PPARGC1A: variants seen among roughly 807,000 people sequenced by gnomAD.
The protein encoded by PPARGC1A is PPARG coactivator 1 alpha.
In PPARGC1A, 25 loss-of-function variants were observed where a neutral mutation model predicts 88.7. The ratio of observed to expected loss-of-function variants is 0.28; its 90% confidence interval spans 0.21 to 0.39. The LOEUF (loss-of-function observed/expected upper bound fraction) is 0.39, where lower values mean the gene tolerates loss of function less well. PPARGC1A is among the 10% of genes least tolerant of loss of function. The pLI, the probability that PPARGC1A is intolerant of heterozygous loss-of-function variation, is 1.00. For missense variants in PPARGC1A, 880 were observed against 968.7 expected (o/e 0.91, Z 1.22); for synonymous variants, 363 against 355.6 (o/e 1.02, Z -0.24).
the PPARGC1A span, among the ~76,000 whole-genome samples, chr4:23,930,782 GCACT>G: frequency 6.6e-6 from 1 of 152,182 alleles, no homozygotes; most frequent in Admixed American, 6.5e-5. Context: ...GCTGCACAGT[GCACT>G]CAGTGATGCC....
At chr4:24,176,893 T>G in the PPARGC1A span, among the ~76,000 whole-genome samples, 5 of 152,206 alleles carry the variant, frequency 3.3e-5, no homozygotes, top group African/African-American at 1.2e-4. Context: ...GGTTCTCATC[T>G]TTTTTGAAAC....
At chr4:24,313,547 A>G in the PPARGC1A span, among the ~76,000 whole-genome samples, 2 of 152,212 alleles carry the variant, frequency 1.3e-5, no homozygotes, top group African/African-American at 4.8e-5. Flanking sequence ...TTCAGTTTCT[A>G]TGGTAGACTG....
the PPARGC1A span, among the ~76,000 whole-genome samples, chr4:24,161,071 G>A: frequency 0.017 from 2,595 of 152,310 alleles, 78 homozygotes; most frequent in African/African-American, 0.059. Flanking sequence ...AAAGGCCAGA[G>A]CTACCCTCAA....
chr4:24,237,242 AT>A, the PPARGC1A span, among the ~76,000 whole-genome samples: 545 of 148,042 alleles, frequency 3.7e-3, 2 homozygotes, highest in African/African-American at 0.01. Context: ...CCGAGATTGG[AT>A]TTTTTTTTTT....
chr4:24,236,471 T>C, the PPARGC1A span, among the ~76,000 whole-genome samples: 1 of 152,206 alleles, frequency 6.6e-6, no homozygotes, highest in Non-Finnish European at 1.5e-5. Context: ...GTGAGGCATC[T>C]GCTTTTAGTC....
At chr4:24,171,502 C>T in the PPARGC1A span, among the ~76,000 whole-genome samples, 1 of 152,058 alleles carries the variant, frequency 6.6e-6, no homozygotes, top group Non-Finnish European at 1.5e-5. Context: ...ACCAAACGTA[C>T]TATATATGGT....
At chr4:23,952,876 T>C in the PPARGC1A span, among the ~76,000 whole-genome samples, 3 of 152,108 alleles carry the variant, frequency 2.0e-5, no homozygotes, top group African/African-American at 7.2e-5. Context: ...AGTTCTTTCA[T>C]TAAAGTCTAC....
At chr4:24,314,291 TCA>T in the PPARGC1A span, among the ~76,000 whole-genome samples, 1 of 152,158 alleles carries the variant, frequency 6.6e-6, no homozygotes, top group Non-Finnish European at 1.5e-5. Context: ...GTAACCCCCA[TCA>T]CAGTGGTATT....
chr4:24,182,741 A>G, the PPARGC1A span, among the ~76,000 whole-genome samples: 4 of 152,188 alleles, frequency 2.6e-5, no homozygotes, highest in Admixed American at 1.3e-4. Context: ...CATTTCTCTA[A>G]TGCTTGGTAC....
At chr4:23,844,377 TATA>T (rs1285711626) in intron 2 of PPARGC1A, among the ~76,000 whole-genome samples, 1 of 135,368 alleles carries the variant, frequency 7.4e-6, no homozygotes, top group Non-Finnish European at 1.5e-5. Context: ...TATTATAGAT[TATA>T]ATATGACAAT....
chr4:23,921,751 G>A, the PPARGC1A span, among the ~76,000 whole-genome samples: 32 of 152,082 alleles, frequency 2.1e-4, no homozygotes, highest in Admixed American at 3.9e-4. Context: ...GTTGGGAGTT[G>A]GAAATTATTT....
the PPARGC1A span, among the ~76,000 whole-genome samples, chr4:23,931,688 A>G: frequency 6.6e-6 from 1 of 152,170 alleles, no homozygotes; most frequent in African/African-American, 2.4e-5. Context: ...AAGCTTTATT[A>G]TCCTCGGCAG....
chr4:23,868,109 T>C (rs995054472), intron 2 of PPARGC1A, among the ~76,000 whole-genome samples: 4 of 152,058 alleles, frequency 2.6e-5, no homozygotes, highest in Admixed American at 6.5e-5. Flanking sequence ...GAGCTCTTCA[T>C]TGAGTGGCAG....
the PPARGC1A span, among the ~76,000 whole-genome samples, chr4:24,324,045 C>T: frequency 4.6e-5 from 7 of 152,224 alleles, no homozygotes; most frequent in South Asian, 6.2e-4. Flanking sequence ...GCGCCGGTCA[C>T]GGACTGGGAA....
At chr4:24,260,273 G>A in the PPARGC1A span, among the ~76,000 whole-genome samples, 2 of 152,184 alleles carry the variant, frequency 1.3e-5, no homozygotes, top group African/African-American at 4.8e-5. Context: ...ACACAACACA[G>A]TGATCACTGA....
intron 2 of PPARGC1A, among the ~76,000 whole-genome samples, chr4:23,846,165 G>A (rs542262156): frequency 2.0e-5 from 3 of 152,256 alleles, no homozygotes; most frequent in East Asian, 3.9e-4. Flanking sequence ...TTTACAGAAC[G>A]ATGAAAAGGA....
the PPARGC1A span, among the ~76,000 whole-genome samples, chr4:24,211,534 C>T: frequency 2.0e-5 from 3 of 152,102 alleles, no homozygotes; most frequent in South Asian, 2.1e-4. Context: ...GCCCTATGTG[C>T]GTGCATGGCT....
chr4:24,006,664 A>G, the PPARGC1A span, among the ~76,000 whole-genome samples: 1 of 152,088 alleles, frequency 6.6e-6, no homozygotes, highest in Non-Finnish European at 1.5e-5. Context: ...TGATAGCCAC[A>G]ATGTCTTTCT....
chr4:23,813,040 G>A lies in PPARGC1A; in HGVS notation c.1879C>T (p.Pro627Ser). The change falls in exon 9 of 13, where the codon CCC (proline) becomes TCC (serine). Residue 627 changes from proline (P) to serine (S), a missense_variant. Transcript: ENST00000264867. ...CATTACCTGGGCCGACGGCTGTAGGGCGATCTTGAACGTGATCTCACATAC... is the reference window on the plus strand; with the variant it reads ...CATTACCTGGGCCGACGGCTGTAGGACGATCTTGAACGTGATCTCACATAC... The part of the protein sequence containing the change: ...PLYVRSRSRS[P>S]YSRRPRYDSY... The A allele has an allele frequency of 1.2e-6, 2 of 1,614,072 alleles. No individual in the cohort carries two copies. Among genetic ancestry groups the A allele is most frequent in the East Asian group, 2.2e-5 (1 of 44,874 alleles).
Sources: allele counts gnomAD v4.1 joint callset (sites outside exome capture counted in the v4.1 genomes callset), GRCh38; gene constraint gnomAD v4.1.1; transcripts MANE v1.5; gene names NCBI Gene and HGNC (gene_info 2026-07-23, HGNC 2026-07-21).